The following ADAMTS19 variants were observed in gnomAD, a reference collection of about 807,000 sequenced individuals.
The protein encoded by ADAMTS19 is A disintegrin and metalloproteinase with thrombospondin motifs 19.
In ADAMTS19, 93 loss-of-function variants were observed where a neutral mutation model predicts 153.3. That is an observed-to-expected ratio of 0.61 (90% CI 0.51 to 0.72). The LOEUF is 0.72. Ranked by LOEUF, ADAMTS19 falls within the 30% of genes least tolerant of loss-of-function variation. The pLI is 0.00. For missense variants in ADAMTS19, 1,482 were observed against 1,552.1 expected, an observed-to-expected ratio of 0.95 and a Z score of 0.76; for synonymous variants, 600 against 556.6, an observed-to-expected ratio of 1.08 and a Z score of -1.10.
At chr5:129,516,332 T>C (rs1207216892) in intron 3 of ADAMTS19, among the ~76,000 whole-genome samples, 1 of 151,442 alleles carries the variant, frequency 6.6e-6, no homozygotes, top group African/African-American at 2.4e-5. Flanking sequence ...TTGGAAGTAT[T>C]CCCTCCTCTT....
chr5:129,553,280 G>A (rs999372285), intron 7 of ADAMTS19, among the ~76,000 whole-genome samples: 1 of 152,132 alleles, frequency 6.6e-6, no homozygotes, highest in Non-Finnish European at 1.5e-5. Flanking sequence ...CACACGAACT[G>A]ACTCTTTATA....
At chr5:129,489,819 TG>T (rs1481382298) in intron 2 of ADAMTS19, among the ~76,000 whole-genome samples, 1 of 152,122 alleles carries the variant, frequency 6.6e-6, no homozygotes, top group Non-Finnish European at 1.5e-5. Context: ...AACCTCCCAG[TG>T]CTTCAGTTTA....
chr5:129,610,649 A>C (rs185310056), intron 8 of ADAMTS19, among the ~76,000 whole-genome samples: 5,885 of 152,228 alleles, frequency 0.039, 171 homozygotes, highest in Non-Finnish European at 0.057. Flanking sequence ...ATAGTATTCC[A>C]TGGTGTATAT....
intron 6 of ADAMTS19, among the ~76,000 whole-genome samples, chr5:129,549,171 TATA>T (rs1490903075): frequency 6.9e-6 from 1 of 145,272 alleles, no homozygotes; most frequent in Non-Finnish European, 1.5e-5. Flanking sequence ...AAACTTAAAG[TATA>T]ATAATAATAA....
intron 21 of ADAMTS19, among the ~76,000 whole-genome samples, chr5:129,706,887 T>G (rs546772022): frequency 6.6e-6 from 1 of 152,312 alleles, no homozygotes; most frequent in Admixed American, 6.5e-5. Context: ...AAAAAAAATT[T>G]TTTTCAGTTT....
chr5:129,544,359 G>A (rs974828227), intron 6 of ADAMTS19, among the ~76,000 whole-genome samples: 42 of 152,200 alleles, frequency 2.8e-4, no homozygotes, highest in African/African-American at 9.1e-4. Flanking sequence ...GTAGCTGCAT[G>A]ATATAAAATG....
At position 129,581,195 on chromosome 5, in the gene ADAMTS19, C is replaced by A. The variant is rs79094752; in HGVS notation, c.1373-15364C>A. 3.5e-3 allele frequency among the ~76,000 whole-genome samples: 530 copies of A among 152,034 alleles called. 4 individuals are homozygous for A. The highest frequency in any genetic ancestry group is 0.026 in the East Asian group (133 of 5,180). On this transcript the variant is annotated intron_variant, in intron 7 of 22. Coordinates refer to ENST00000274487, the MANE Select transcript of ADAMTS19 (RefSeq NM_133638.6). ...TATGTGTCCAGGAATTTATCTATTT[C>A]TTCTAGATTTTCTAGTTTATTTGCA...
intron 17 of ADAMTS19, among the ~76,000 whole-genome samples, chr5:129,680,402 T>C (rs1754748344): frequency 6.6e-6 from 1 of 152,154 alleles, no homozygotes; most frequent in African/African-American, 2.4e-5. Flanking sequence ...TATTAATGGA[T>C]TTTTGTAAAG....
chr5:129,602,228 G>A (rs903431907), intron 8 of ADAMTS19, among the ~76,000 whole-genome samples: 9 of 152,286 alleles, frequency 5.9e-5, no homozygotes, highest in African/African-American at 2.2e-4. Context: ...AAGTAGCTGG[G>A]ATTACAGGCA....
intron 15 of ADAMTS19, among the ~76,000 whole-genome samples, chr5:129,662,186 G>C (rs1033494901): frequency 6.6e-6 from 1 of 152,180 alleles, no homozygotes; most frequent in East Asian, 1.9e-4. Context: ...TTACTTCGCT[G>C]TTGCCATGAA....
At chr5:129,588,387 G>C (rs565157706) in intron 7 of ADAMTS19, among the ~76,000 whole-genome samples, 7 of 152,128 alleles carry the variant, frequency 4.6e-5, no homozygotes, top group African/African-American at 1.7e-4. Context: ...GAAAAAGTTC[G>C]ATACATGTTT....
chr5:129,470,341 G>C (rs1750021977), intron 2 of ADAMTS19, among the ~76,000 whole-genome samples: 1 of 152,172 alleles, frequency 6.6e-6, no homozygotes, highest in African/African-American at 2.4e-5. Context: ...TTTGCAAAAT[G>C]AAGAAGAATC....
At chr5:129,733,262 T>G (rs1757522270) in intron 21 of ADAMTS19, among the ~76,000 whole-genome samples, 1 of 151,840 alleles carries the variant, frequency 6.6e-6, no homozygotes, top group African/African-American at 2.4e-5. Context: ...AATGTATGAG[T>G]AAGACCTTAA....
intron 2 of ADAMTS19, among the ~76,000 whole-genome samples, chr5:129,466,418 A>G (rs1408291113): frequency 6.6e-6 from 1 of 152,186 alleles, no homozygotes; most frequent in Admixed American, 6.5e-5. Flanking sequence ...AATGCCCAGA[A>G]GAAAAAGAGC....
At chr5:129,501,621 A>G (rs1474879321) in intron 2 of ADAMTS19, among the ~76,000 whole-genome samples, 1 of 152,114 alleles carries the variant, frequency 6.6e-6, no homozygotes, top group Non-Finnish European at 1.5e-5. Context: ...GAAACCAGAC[A>G]GCCTTTCATT....
At chr5:129,488,345 T>C (rs1750662492) in intron 2 of ADAMTS19, among the ~76,000 whole-genome samples, 1 of 152,096 alleles carries the variant, frequency 6.6e-6, no homozygotes, top group South Asian at 2.1e-4. Context: ...TTCAGTCTTA[T>C]TGTTACCTTT....
chr5:129,602,122 C>G (rs1327332291), intron 8 of ADAMTS19, among the ~76,000 whole-genome samples: 1 of 152,150 alleles, frequency 6.6e-6, no homozygotes, highest in African/African-American at 2.4e-5. Flanking sequence ...GACGGAGTTT[C>G]ACTCTTGTTG....
intron 2 of ADAMTS19, among the ~76,000 whole-genome samples, chr5:129,477,991 T>G (rs1320594310): frequency 6.6e-6 from 1 of 152,072 alleles, no homozygotes; most frequent in Non-Finnish European, 1.5e-5. Context: ...CCTTAGAGAG[T>G]TAAAAAAATT....
chr5:129,561,125 A>C (rs956537394), intron 7 of ADAMTS19, among the ~76,000 whole-genome samples: 1 of 152,218 alleles, frequency 6.6e-6, no homozygotes, highest in Admixed American at 6.5e-5. Context: ...TTTTTACAAA[A>C]ATTAGCTATA....
Sources: allele counts gnomAD v4.1 joint callset (sites outside exome capture counted in the v4.1 genomes callset), GRCh38; gene constraint gnomAD v4.1.1; transcripts MANE v1.5; gene names NCBI Gene and HGNC (gene_info 2026-07-23, HGNC 2026-07-21).